Variants in CNTN3 observed in about 807,000 individuals in gnomAD.
The protein encoded by CNTN3 is contactin-3.
A neutral mutation model predicts 119.1 loss-of-function variants in CNTN3; 60 were observed. The ratio of observed to expected loss-of-function variants is 0.50; its 90% CI spans 0.41 to 0.62. CNTN3 has a LOEUF of 0.62. CNTN3 is among the 20% of genes least tolerant of loss of function. The pLI is 0.00. For missense variants in CNTN3, 1,101 were observed against 1,242.4 expected (o/e 0.89, Z 1.71); for synonymous variants, 450 against 438.7 (o/e 1.03, Z -0.32).
At chr3:74,264,649 G>C (rs963993834) in intron 22 of CNTN3, 148 bp from the exon 23 acceptor site, 3 of 475,922 alleles carry the variant, frequency 6.3e-6, no homozygotes, top group Non-Finnish European at 1.1e-5. Context: ...GAGGGACTTC[G>C]AGAGGTGACA....
At chr3:74,610,518 G>A (rs1367508273) in intron 1 of CNTN3, among the ~76,000 whole-genome samples, 2 of 152,122 alleles carry the variant, frequency 1.3e-5, no homozygotes, top group African/African-American at 4.8e-5. Context: ...AAGCTTGCTA[G>A]GAATTGTCAA....
intron 1 of CNTN3, among the ~76,000 whole-genome samples, chr3:74,557,664 A>C (rs1704091011): frequency 6.6e-6 from 1 of 151,880 alleles, no homozygotes; most frequent in Non-Finnish European, 1.5e-5. Context: ...AGACACGATT[A>C]AGTTTTATGC....
At chr3:74,564,515 G>A (rs955502812) in intron 1 of CNTN3, among the ~76,000 whole-genome samples, 1 of 151,372 alleles carries the variant, frequency 6.6e-6, no homozygotes, top group African/African-American at 2.4e-5. Context: ...GGCAAAGGCA[G>A]GAGACCAGTT....
chr3:74,305,637 G>A (rs868105836), intron 13 of CNTN3, among the ~76,000 whole-genome samples: 4 of 151,722 alleles, frequency 2.6e-5, no homozygotes, highest in African/African-American at 9.7e-5. Context: ...ATATGAACCA[G>A]ATGGAAAGGA....
At chr3:74,304,323 T>G (rs1008149074) in intron 13 of CNTN3, among the ~76,000 whole-genome samples, 1 of 152,342 alleles carries the variant, frequency 6.6e-6, no homozygotes, top group African/African-American at 2.4e-5. Flanking sequence ...CTCCTAGGGT[T>G]ATTTAGAAAT....
chr3:74,380,172 G>C (rs1704579362), intron 5 of CNTN3, among the ~76,000 whole-genome samples: 1 of 152,196 alleles, frequency 6.6e-6, no homozygotes, highest in African/African-American at 2.4e-5. Context: ...AAAGAGTTCA[G>C]AGTCCTTGAA....
intron 4 of CNTN3, among the ~76,000 whole-genome samples, chr3:74,433,761 C>G (rs1701824365): frequency 6.6e-6 from 1 of 152,204 alleles, no homozygotes; most frequent in South Asian, 2.1e-4. Context: ...TCCCACTCCT[C>G]CACTGACACA....
intron 2 of CNTN3, among the ~76,000 whole-genome samples, chr3:74,512,770 C>A (rs1703391376): frequency 6.8e-6 from 1 of 147,658 alleles, no homozygotes; most frequent in Non-Finnish European, 1.5e-5. Flanking sequence ...AAAATTATTC[C>A]TTAATGAAAA....
chr3:74,523,074 G>A (rs1703566389), intron 1 of CNTN3, among the ~76,000 whole-genome samples: 1 of 151,242 alleles, frequency 6.6e-6, no homozygotes, highest in African/African-American at 2.4e-5. Flanking sequence ...AGGGTCTCAG[G>A]TATCTTGCCT....
intron 1 of CNTN3, among the ~76,000 whole-genome samples, chr3:74,585,016 G>T (rs2106674726): frequency 6.6e-6 from 1 of 152,288 alleles, no homozygotes; most frequent in Admixed American, 6.5e-5. Flanking sequence ...GAAGAAAGAA[G>T]TCTTTCCCTT....
At chr3:74,358,489 G>A (rs1703993293) in intron 11 of CNTN3, among the ~76,000 whole-genome samples, 1 of 150,438 alleles carries the variant, frequency 6.6e-6, no homozygotes, top group South Asian at 2.1e-4. Context: ...GCAGTTAAAT[G>A]TGGCCAGGGA....
intron 1 of CNTN3, among the ~76,000 whole-genome samples, chr3:74,521,483 A>G (rs927246508): frequency 6.6e-6 from 1 of 151,476 alleles, no homozygotes; most frequent in Non-Finnish European, 1.5e-5. Context: ...GATAATTTCA[A>G]GAAAGAAAAC....
intron 11 of CNTN3, among the ~76,000 whole-genome samples, chr3:74,351,421 C>A (rs538029982): frequency 1.3e-5 from 2 of 152,276 alleles, no homozygotes; most frequent in African/African-American, 4.8e-5. Context: ...GGATTCCTGG[C>A]CTCATTTTCC....
chr3:74,377,647 A>G (rs1480772334), intron 5 of CNTN3, among the ~76,000 whole-genome samples: 3 of 152,214 alleles, frequency 2.0e-5, no homozygotes, highest in Non-Finnish European at 4.4e-5. Flanking sequence ...TGGGCTTTCT[A>G]TTAACAATGC....
intron 5 of CNTN3, among the ~76,000 whole-genome samples, chr3:74,406,046 T>C (rs989649775): frequency 2.6e-5 from 4 of 152,130 alleles, no homozygotes; most frequent in Admixed American, 1.3e-4. Flanking sequence ...CTATTGTTGG[T>C]CATTTAGAAT....
intron 11 of CNTN3, among the ~76,000 whole-genome samples, chr3:74,341,505 G>C (rs1052417455): frequency 2.6e-5 from 4 of 152,064 alleles, no homozygotes; most frequent in Non-Finnish European, 5.9e-5. Flanking sequence ...AATCACTGTG[G>C]CATTTTAACT....
At chr3:74,300,047 CAT>C in intron 16 of CNTN3, 109 bp from the exon 17 acceptor site, 1 of 592,176 alleles carries the variant, frequency 1.7e-6, no homozygotes, top group South Asian at 3.7e-5. Context: ...ATCATTGGCA[CAT>C]GATTCATACA....
intron 1 of CNTN3, among the ~76,000 whole-genome samples, chr3:74,522,152 AG>A (rs1308588795): frequency 6.6e-6 from 1 of 151,686 alleles, no homozygotes; most frequent in Admixed American, 6.6e-5. Context: ...CCAAATAATA[AG>A]AACTCAAATA....
intron 5 of CNTN3, among the ~76,000 whole-genome samples, chr3:74,402,827 T>C (rs778212549): frequency 6.6e-6 from 1 of 152,194 alleles, no homozygotes; most frequent in Non-Finnish European, 1.5e-5. Flanking sequence ...TGGACCTCTT[T>C]GTTCAGCCTG....
Sources: gnomAD v4.1 joint callset for allele counts (sites outside exome capture counted in the v4.1 genomes callset) on GRCh38, gnomAD v4.1.1 for gene constraint, MANE v1.5 for transcripts, NCBI Gene and HGNC (gene_info 2026-07-23, HGNC 2026-07-21) for gene names.